Variants in DIP2C observed in about 807,000 individuals in gnomAD.
DIP2C encodes DIP2 acetate--CoA ligase C (putative).
Under a neutral mutation model 192.4 loss-of-function variants are expected in DIP2C, and 33 were observed. The ratio of observed to expected loss-of-function variants is 0.17; its 90% CI spans 0.13 to 0.23. The LOEUF is 0.23. Ranked by LOEUF, DIP2C falls within the 10% of genes least tolerant of loss-of-function variation. The pLI is 1.00. For missense variants in DIP2C, 1,537 were observed against 2,110.1 expected (o/e 0.73, Z 5.32); for synonymous variants, 979 against 864.1 (o/e 1.13, Z -2.33).
chr10:569,615 AAAAAC>A (rs1294242112), intron 1 of DIP2C, among the ~76,000 whole-genome samples: 2 of 152,204 alleles, frequency 1.3e-5, no homozygotes, highest in Non-Finnish European at 1.5e-5. Flanking sequence ...AAAAAAAAGC[AAAAAC>A]AAAACAAATA....
At chr10:615,069 C>T (rs1853360215) in intron 1 of DIP2C, among the ~76,000 whole-genome samples, 1 of 152,226 alleles carries the variant, frequency 6.6e-6, no homozygotes, top group African/African-American at 2.4e-5. Context: ...AAACAGGCAG[C>T]GCTGTCCCAA....
chr10:523,536 C>T (rs1846861405), intron 1 of DIP2C, among the ~76,000 whole-genome samples: 1 of 145,680 alleles, frequency 6.9e-6, no homozygotes, highest in Admixed American at 7.0e-5. Flanking sequence ...GAGCAAAGGA[C>T]CCTGGAGTGA....
chr10:310,955 A>C (rs958210898), intron 31 of DIP2C, among the ~76,000 whole-genome samples: 1 of 152,144 alleles, frequency 6.6e-6, no homozygotes, highest in African/African-American at 2.4e-5. Context: ...AATTACACTA[A>C]AATTCTTCAG....
intron 1 of DIP2C, among the ~76,000 whole-genome samples, chr10:498,093 ACTC>A (rs906568940): frequency 2.0e-5 from 3 of 151,814 alleles, no homozygotes; most frequent in African/African-American, 2.4e-5. Context: ...CTGGCCTCAA[ACTC>A]CTCAAGTGAT....
intron 1 of DIP2C, among the ~76,000 whole-genome samples, chr10:687,159 T>C (rs1488401076): frequency 6.6e-6 from 1 of 152,250 alleles, no homozygotes; most frequent in Non-Finnish European, 1.5e-5. Context: ...AGCAGATACA[T>C]TGAGGAATTT....
intron 22 of DIP2C, among the ~76,000 whole-genome samples, chr10:361,137 G>A (rs1031777072): frequency 9.9e-5 from 15 of 152,120 alleles, no homozygotes; most frequent in Non-Finnish European, 1.6e-4. Flanking sequence ...TAACCTCTCA[G>A]TTTAGCAAAA....
intron 10 of DIP2C, among the ~76,000 whole-genome samples, chr10:395,063 T>C (rs773561308): frequency 3.8e-4 from 53 of 140,864 alleles, no homozygotes; most frequent in Non-Finnish European, 7.7e-4. Context: ...ACACGTGGCA[T>C]TTAGCAGTGA....
intron 1 of DIP2C, among the ~76,000 whole-genome samples, chr10:616,154 C>G (rs963943758): frequency 1.3e-5 from 2 of 152,220 alleles, no homozygotes; most frequent in African/African-American, 4.8e-5. Flanking sequence ...CAATTCTGTT[C>G]TCTTCACTCT....
intron 1 of DIP2C, among the ~76,000 whole-genome samples, chr10:556,734 C>T (rs1848895265): frequency 6.6e-6 from 1 of 152,150 alleles, no homozygotes; most frequent in Non-Finnish European, 1.5e-5. Flanking sequence ...ACCCCCAACA[C>T]CTACCACATT....
chr10:477,032 G>A (rs962509337), intron 2 of DIP2C, among the ~76,000 whole-genome samples: 1 of 147,818 alleles, frequency 6.8e-6, no homozygotes, highest in Non-Finnish European at 1.5e-5. Flanking sequence ...CCAAACGTCA[G>A]TGACATTTTT....
intron 29 of DIP2C, among the ~76,000 whole-genome samples, chr10:330,282 A>T: frequency 6.6e-6 from 1 of 152,190 alleles, no homozygotes; most frequent in East Asian, 1.9e-4. Context: ...AGAAATAGAG[A>T]AAAATAACGA....
chr10:670,536 A>G (rs934678961), intron 1 of DIP2C, among the ~76,000 whole-genome samples: 1 of 152,256 alleles, frequency 6.6e-6, no homozygotes. Context: ...GGACGGCTGC[A>G]CATCACATTA....
intron 1 of DIP2C, among the ~76,000 whole-genome samples, chr10:579,482 GTACA>G (rs985272740): frequency 3.3e-5 from 5 of 150,646 alleles, no homozygotes; most frequent in African/African-American, 1.2e-4. Flanking sequence ...CAGATCCAGT[GTACA>G]AACATAAGTG....
At chr10:418,314 C>A (rs1965937706) in intron 6 of DIP2C, among the ~76,000 whole-genome samples, 1 of 151,556 alleles carries the variant, frequency 6.6e-6, no homozygotes, top group Non-Finnish European at 1.5e-5. Context: ...GGATAGGCCT[C>A]CCTGTCCACT....
At chr10:607,163 G>C (rs562277379) in intron 1 of DIP2C, among the ~76,000 whole-genome samples, 1 of 152,338 alleles carries the variant, frequency 6.6e-6, no homozygotes, top group East Asian at 1.9e-4. Context: ...GATTTCCAAA[G>C]CTCTACAAAG....
chr10:574,867 C>T (rs1044566926), intron 1 of DIP2C, among the ~76,000 whole-genome samples: 3 of 152,160 alleles, frequency 2.0e-5, no homozygotes, highest in African/African-American at 7.2e-5. Flanking sequence ...TGTGCAAAGC[C>T]TGCTGTTACA....
chr10:422,943 T>C lies in DIP2C; in HGVS notation c.485A>G (p.His162Arg), dbSNP rs1229303633. ...TSSQGSINMEHWISQAIHGST... is the reference protein window; with the variant it reads ...TSSQGSINMERWISQAIHGST... ...GCCGTGGATGGCCTGGCTGATCCAG[T>C]GCTCCATATTGATGCTGCCCTGGCT... is the stretch of plus-strand genomic sequence containing the variant. Residue 162 changes from histidine to arginine, a missense_variant, in exon 5 of 37, where the codon CAC becomes CGC. Physicochemically the swap from His to Arg is conservative, Grantham distance 29. Coordinates refer to ENST00000280886, the MANE Select transcript of DIP2C (RefSeq NM_014974.3). The C allele has an allele frequency of 6.2e-7, 1 of 1,614,046 alleles. No individual in the cohort carries two copies. The highest frequency in any genetic ancestry group is 8.5e-7 in the Non-Finnish European group (1 of 1,180,040).
chr10:639,515 C>T (rs551313488), intron 1 of DIP2C, among the ~76,000 whole-genome samples: 1 of 152,362 alleles, frequency 6.6e-6, no homozygotes, highest in Admixed American at 6.5e-5. Context: ...GCCCGGCTCT[C>T]AGTATCAGCC....
At chr10:480,872 G>A (rs139983474) in intron 2 of DIP2C, among the ~76,000 whole-genome samples, 582 of 152,310 alleles carry the variant, frequency 3.8e-3, no homozygotes, top group Non-Finnish European at 5.9e-3. Flanking sequence ...CTACAGCAAC[G>A]CGGTCTAGAA....
Sources: allele counts gnomAD v4.1 joint callset (sites outside exome capture counted in the v4.1 genomes callset), GRCh38; gene constraint gnomAD v4.1.1; transcripts MANE v1.5; gene names NCBI Gene and HGNC (gene_info 2026-07-23, HGNC 2026-07-21).